Variants in MEGF9 observed in about 807,000 individuals in gnomAD.
MEGF9 encodes the protein multiple epidermal growth factor-like domains protein 9.
A neutral mutation model predicts 46.8 loss-of-function variants in MEGF9; 6 were observed. That is an observed-to-expected ratio of 0.13 (90% confidence interval 0.07 to 0.25). MEGF9 has a LOEUF of 0.25. Among genes scored for constraint, MEGF9 ranks in the 10% least tolerant of loss-of-function variants. The pLI is 1.00. For synonymous variants in MEGF9, 302 were observed against 330.7 expected (o/e 0.91, Z 0.94); for missense variants, 683 against 792.4 (o/e 0.86, Z 1.66).
rs183155378 is a variant in MEGF9 at position 120,622,328 on chromosome 9, G to T, written c.943+288C>A. On this transcript the variant is annotated intron_variant, in intron 3 of 5. Transcript: ENST00000373930. The stretch of plus-strand genomic sequence containing the variant: ...AGCAAATGTCCCCTGGAAAGACAAT[G>T]GCTGGTGATCATCAGTTTACCTAGG... Among the ~76,000 whole-genome samples, 9 of 151,664 alleles carry T rather than the reference G, an allele frequency of 5.9e-5. No homozygotes were observed. In the East Asian group the frequency reaches 1.6e-3, roughly 26 times the overall value.
chr9:120,654,521 AAACCT>A (rs1394723567), intron 2 of MEGF9, among the ~76,000 whole-genome samples: 3 of 152,228 alleles, frequency 2.0e-5, no homozygotes, highest in Non-Finnish European at 2.9e-5. Context: ...TGGTGTAAAC[AAACCT>A]ACTGCACTGC....
intron 1 of MEGF9, among the ~76,000 whole-genome samples, chr9:120,700,876 T>C (rs1025028805): frequency 6.6e-6 from 1 of 151,688 alleles, no homozygotes; most frequent in Non-Finnish European, 1.5e-5. Flanking sequence ...AGCCCAGGAA[T>C]TCGAGACCAG....
Position 120,679,626 on chromosome 9 carries a change from A to T in MEGF9, c.602-20051T>A, listed in dbSNP as rs145078328. On this transcript the variant is annotated intron_variant, in intron 1 of 5. Transcript: ENST00000373930. ...TACCCTAGAACTTAAAGTATAATTT[A>T]AAAAAAAAGAGAGAGAGACAGAGAG... is the stretch of plus-strand genomic sequence containing the variant. 1.7e-4 allele frequency among the ~76,000 whole-genome samples: 25 copies of T among 151,488 alleles called. No individual in the cohort carries two copies. In the East Asian group the frequency reaches 3.1e-3, roughly 19 times the overall value.
chr9:120,607,760 C>G lies in MEGF9; in HGVS notation c.1338G>C (p.Glu446Asp). ...NCLEGYVHDL[E>D]GNCIKKEVIL... ...TTTTACCTTTCTTGATGCAATTTCCCTCGAGGTCGTGAACATAACCTTCTA... is the reference window on the plus strand; with the variant it reads ...TTTTACCTTTCTTGATGCAATTTCCGTCGAGGTCGTGAACATAACCTTCTA... The change falls in exon 5 of 6, where the codon GAG (glutamate) becomes GAC (aspartate). Residue 446 changes from glutamate (E) to aspartate (D), a missense_variant. Physicochemically the swap from Glu to Asp is conservative, Grantham distance 45. Coordinates refer to ENST00000373930, the MANE Select transcript of MEGF9 (RefSeq NM_001080497.3). 1 of 1,609,696 alleles carries G rather than the reference C, an allele frequency of 6.2e-7. No homozygotes were observed. The highest frequency in any genetic ancestry group is 8.5e-7 in the Non-Finnish European group (1 of 1,176,142).
intron 3 of MEGF9, 89 bp from the exon 4 acceptor site, chr9:120,612,628 T>C: frequency 8.2e-7 from 1 of 1,215,720 alleles, no homozygotes; most frequent in Non-Finnish European, 1.1e-6. Flanking sequence ...AAAAAGATCA[T>C]AAGAAAAAGA....
At chr9:120,627,683 G>C (rs1403944732) in intron 2 of MEGF9, among the ~76,000 whole-genome samples, 3 of 152,148 alleles carry the variant, frequency 2.0e-5, no homozygotes, top group Non-Finnish European at 2.9e-5. Context: ...GGCTGGTCTC[G>C]AACTCCTGAC....
rs372553656 is a variant in MEGF9, at chr9:120,640,598, CTATGTGTGCTTTCTTCAT to C, written c.804-17861_804-17844del. Among the ~76,000 whole-genome samples the C allele has an allele frequency of 8.3e-4, 126 of 152,206 alleles. 1 individual carries two copies. Among genetic ancestry groups the C allele is most frequent in the African/African-American group, 2.9e-3 (119 of 41,514 alleles). On this transcript the variant is annotated intron_variant, in intron 2 of 5. Coordinates refer to ENST00000373930, the MANE Select transcript of MEGF9 (RefSeq NM_001080497.3). ...TGATTGCATAATCTGGCTCCAAAGT[CTATGTGTGCTTTCTTCAT>C]TAACTCTTGATGACTTCTAAGCGCA...
In MEGF9 at chr9:120,714,157, G is replaced by C. The variant is rs914595144; in HGVS notation, c.202C>G (p.Pro68Ala). The C allele has an allele frequency of 8.9e-6, 11 of 1,236,158 alleles. No individual in the cohort carries two copies. Among genetic ancestry groups the C allele is most frequent in the Non-Finnish European group, 1.0e-5 (10 of 990,780 alleles). The allele number at this position is 1,236,158 out of a possible 1,614,324, so 76.6% of individuals were successfully genotyped here. The change falls in exon 1 of 6, where the codon CCT (proline) becomes GCT (alanine). Residue 68 changes from proline (P) to alanine (A), a missense_variant. This residue lies in a region of MEGF9 where 370 missense variants were observed against 371.3 expected (regional missense o/e 1.00). Transcript: ENST00000373930. ...TGGGCCGTGGGAGCCGTCGCCCTAG[G>C]GAAGGGGTGGCTGGGCTCGCCCCGC... ...GLRGEPSHPF[P>A]RATAPTAQAP...
At chr9:120,638,587 A>C (rs1381470966) in intron 2 of MEGF9, among the ~76,000 whole-genome samples, 1 of 152,236 alleles carries the variant, frequency 6.6e-6, no homozygotes, top group Non-Finnish European at 1.5e-5. Context: ...ATTTTCCAAC[A>C]GGGTGGTAAC....
chr9:120,634,756 G>A (rs2043566697), intron 2 of MEGF9, among the ~76,000 whole-genome samples: 1 of 152,052 alleles, frequency 6.6e-6, no homozygotes, highest in South Asian at 2.1e-4. Context: ...AGGACTTACT[G>A]CTGACATTTT....
chr9:120,689,216 C>T (rs78777369), intron 1 of MEGF9, among the ~76,000 whole-genome samples: 47 of 152,150 alleles, frequency 3.1e-4, no homozygotes, highest in African/African-American at 8.0e-4. Context: ...TAAGCATGGA[C>T]GTGAAGAATG....
chr9:120,699,325 T>C (rs572602631), intron 1 of MEGF9, among the ~76,000 whole-genome samples: 1 of 152,224 alleles, frequency 6.6e-6, no homozygotes, highest in South Asian at 2.1e-4. Flanking sequence ...TTAAACTCAA[T>C]CAGTGATTTT....
intron 2 of MEGF9, among the ~76,000 whole-genome samples, chr9:120,646,107 C>T (rs1339623734): frequency 6.6e-6 from 1 of 152,156 alleles, no homozygotes; most frequent in Non-Finnish European, 1.5e-5. Flanking sequence ...AAAATTTCCA[C>T]AGAATTATGC....
At chr9:120,685,133 C>T (rs920677508) in intron 1 of MEGF9, among the ~76,000 whole-genome samples, 6 of 152,124 alleles carry the variant, frequency 3.9e-5, no homozygotes, top group East Asian at 1.9e-4. Context: ...CACACCCGGC[C>T]GGGAGGCTTC....
At chr9:120,694,345 T>C (rs1367081516) in intron 1 of MEGF9, among the ~76,000 whole-genome samples, 1 of 152,220 alleles carries the variant, frequency 6.6e-6, no homozygotes, top group African/African-American at 2.4e-5. Context: ...ACACTGCTTA[T>C]CAACAGAATT....
At chr9:120,701,773 A>G (rs1328757093) in intron 1 of MEGF9, among the ~76,000 whole-genome samples, 2 of 152,208 alleles carry the variant, frequency 1.3e-5, no homozygotes, top group Non-Finnish European at 1.5e-5. Context: ...GGTGGGGAGC[A>G]GTGGCTCACG....
At position 120,711,871 on chromosome 9, in the gene MEGF9, A is replaced by ACACACACACACACACACACACACACC. The variant is rs145059704; in HGVS notation, c.601+1886_601+1887insGGTGTGTGTGTGTGTGTGTGTGTGTG. ...CACACACACACACACACACACACAC[A>ACACACACACACACACACACACACACC]CCCACAGGCCTGGTCATAAGCATAG... On this transcript the variant is annotated intron_variant, in intron 1 of 5. Coordinates refer to ENST00000373930, the MANE Select transcript of MEGF9 (RefSeq NM_001080497.3). 1.4e-3 allele frequency among the ~76,000 whole-genome samples: 210 copies of ACACACACACACACACACACACACACC among 150,142 alleles called. 1 individual carries two copies. The highest frequency in any genetic ancestry group is 5.0e-3 in the African/African-American group (201 of 40,308).
chr9:120,652,478 T>TAAAAAAAAAAAAAAAA (rs57268783), intron 2 of MEGF9, among the ~76,000 whole-genome samples: 1 of 85,598 alleles, frequency 1.2e-5, no homozygotes, highest in Non-Finnish European at 2.2e-5. Flanking sequence ...GATCTTGTCT[T>TAAAAAAAAAAAAAAAA]AAAAAAAAAA....
intron 2 of MEGF9, 121 bp from the exon 3 acceptor site, chr9:120,622,876 A>C: frequency 2.2e-6 from 2 of 926,296 alleles, no homozygotes; most frequent in Non-Finnish European, 3.1e-6. Flanking sequence ...CCATATCTCA[A>C]AGCCTTGTGT....
Sources: allele counts gnomAD v4.1 joint callset (sites outside exome capture counted in the v4.1 genomes callset), GRCh38; gene constraint gnomAD v4.1.1; regional missense constraint gnomAD v4.1.1; transcripts MANE v1.5; gene names NCBI Gene and HGNC (gene_info 2026-07-23, HGNC 2026-07-21).